KIF26B: variants seen among roughly 807,000 people sequenced by gnomAD.
KIF26B encodes kinesin family member 26B, also known as kinesin-like protein KIF26B.
Under a neutral mutation model 151.2 loss-of-function variants are expected in KIF26B, and 63 were observed. That is an observed-to-expected ratio of 0.42 (90% CI 0.34 to 0.51). The LOEUF (loss-of-function observed/expected upper bound fraction) is 0.51, where lower values mean the gene tolerates loss of function less well. KIF26B is among the 20% of genes least tolerant of loss of function. The pLI is 0.07. For synonymous variants in KIF26B, 1,357 were observed against 1,262.1 expected, an observed-to-expected ratio of 1.08 and a Z score of -1.59; for missense variants, 2,813 against 2,913.6, an observed-to-expected ratio of 0.97 and a Z score of 0.79.
At chr1:245,442,753 A>G (rs1659139851) in intron 4 of KIF26B, among the ~76,000 whole-genome samples, 1 of 139,084 alleles carries the variant, frequency 7.2e-6, no homozygotes, top group Non-Finnish European at 1.6e-5. Flanking sequence ...CTCACTGTTC[A>G]CCTACAGCGG....
Position 245,687,778 on chromosome 1 carries a change from C to T in KIF26B, c.4795C>T (p.Pro1599Ser), listed in dbSNP as rs372309449. 6.3e-7 allele frequency: 1 copy of T among 1,584,212 alleles called. No individual in the cohort carries two copies. Among genetic ancestry groups the T allele is most frequent in the Non-Finnish European group, 8.6e-7 (1 of 1,165,896 alleles). Reference sequence around the variant, plus strand: ...TCGGCCCAAAGGGACTCCCCCTCTGCCCCCTGTCCGAAAGTCCAGCCTGGA... The same window carrying T: ...TCGGCCCAAAGGGACTCCCCCTCTGTCCCCTGTCCGAAAGTCCAGCCTGGA... ...LARPKGTPPL[P>S]PVRKSSLDQK... The change falls in exon 12 of 15, where the codon CCC becomes TCC. Residue 1599 changes from proline (P) to serine (S), a missense_variant. This residue lies in a region of KIF26B where 2,060 missense variants were observed against 2,088.6 expected (regional missense o/e 0.99). Transcript: ENST00000407071. The surrounding 1 kb of genome is among the most constrained non-coding windows in gnomAD (Gnocchi z 4.9).
Position 245,166,046 on chromosome 1 carries a change from C to T in KIF26B, c.465+9363C>T, listed in dbSNP as rs896024880. Among the ~76,000 whole-genome samples, 2 of 152,166 alleles carry T rather than the reference C, an allele frequency of 1.3e-5. No homozygotes were observed. The highest frequency in any genetic ancestry group is 4.1e-4 in the South Asian group (2 of 4,822). On this transcript the variant is annotated intron_variant, in intron 2 of 14. Coordinates refer to ENST00000407071, the MANE Select transcript of KIF26B (RefSeq NM_018012.4). This position sits in a 1 kb window ranked among gnomAD's most constrained non-coding sequence, Gnocchi z 4.5. ...ACAGACTTGCGTGCAAAACCAGGCT[C>T]CGTCACTTAGGGTGTGACCTTGGGC... is the stretch of plus-strand genomic sequence containing the variant.
chr1:245,160,821 C>T (rs771349854), intron 2 of KIF26B, among the ~76,000 whole-genome samples: 8 of 152,100 alleles, frequency 5.3e-5, no homozygotes, highest in East Asian at 1.9e-4. Context: ...GGGTTAAAAA[C>T]GCCAAACGTG....
chr1:245,424,051 G>A (rs1488135002), intron 4 of KIF26B, among the ~76,000 whole-genome samples: 4 of 151,896 alleles, frequency 2.6e-5, no homozygotes, highest in South Asian at 4.2e-4. Context: ...TGTTTGTTGC[G>A]CACGCTGGTC....
At chr1:245,394,979 C>T (rs553077212) in intron 3 of KIF26B, among the ~76,000 whole-genome samples, 4 of 152,272 alleles carry the variant, frequency 2.6e-5, no homozygotes, top group East Asian at 3.9e-4. Context: ...AGGACTGAGC[C>T]ATCACGCCCA....
chr1:245,464,991 T>C (rs1659747338), intron 4 of KIF26B, among the ~76,000 whole-genome samples: 1 of 148,632 alleles, frequency 6.7e-6, no homozygotes, highest in South Asian at 2.1e-4. Flanking sequence ...CTTTTTTTTT[T>C]TTTTTGAGAC....
intron 10 of KIF26B, among the ~76,000 whole-genome samples, chr1:245,681,311 G>A (rs963951631): frequency 7.3e-5 from 11 of 151,610 alleles, no homozygotes; most frequent in African/African-American, 2.4e-4. Context: ...CCGGGTTCAC[G>A]CCATTCTCCT....
chr1:245,383,777 C>G (rs1342242528), intron 3 of KIF26B, among the ~76,000 whole-genome samples: 1 of 152,044 alleles, frequency 6.6e-6, no homozygotes, highest in African/African-American at 2.4e-5. Flanking sequence ...CTGGTGCTTT[C>G]TGAACAAAAT....
chr1:245,636,718 G>A (rs2043837694), intron 9 of KIF26B, among the ~76,000 whole-genome samples: 1 of 151,826 alleles, frequency 6.6e-6, no homozygotes, highest in African/African-American at 2.4e-5. Flanking sequence ...ATCCACTGTT[G>A]TAGCTCCCAC....
chr1:245,565,014 G>A (rs2042995681), intron 5 of KIF26B, among the ~76,000 whole-genome samples: 1 of 152,234 alleles, frequency 6.6e-6, no homozygotes, highest in African/African-American at 2.4e-5. Flanking sequence ...AGGGAGCCCT[G>A]CTCTGTTACA....
At chr1:245,510,895 G>A (rs1235386450) in intron 4 of KIF26B, 8 of 585,486 alleles carry the variant, frequency 1.4e-5, no homozygotes, top group Non-Finnish European at 2.4e-5. Context: ...CCAAAGGCTG[G>A]AATCACAAGA....
chr1:245,639,821 G>T (rs2043870057), intron 9 of KIF26B, among the ~76,000 whole-genome samples: 1 of 151,798 alleles, frequency 6.6e-6, no homozygotes, highest in African/African-American at 2.4e-5. Flanking sequence ...GGTTAGAAAA[G>T]ATACTTGATA....
At chr1:245,391,527 C>A (rs999598037) in intron 3 of KIF26B, among the ~76,000 whole-genome samples, 2 of 151,970 alleles carry the variant, frequency 1.3e-5, no homozygotes, top group Non-Finnish European at 2.9e-5. Context: ...GATGGTGGCT[C>A]ACACCTGTAA....
rs993215702 is a variant in KIF26B, at chr1:245,364,135, C to T, written c.466-2699C>T. On this transcript the variant is annotated intron_variant, in intron 2 of 14. Transcript: ENST00000407071. ...TGTTGTTCTCATGCACCCTCAGACC[C>T]CCAGCCTGGGGCAACACTGGGCGTG... is the stretch of plus-strand genomic sequence containing the variant. 2.6e-5 allele frequency among the ~76,000 whole-genome samples: 4 copies of T among 152,172 alleles called. No individual in the cohort carries two copies. The South Asian group carries it at 6.2e-4, about 24-fold the overall frequency.
chr1:245,321,889 C>T (rs1259434062), intron 2 of KIF26B, among the ~76,000 whole-genome samples: 1 of 152,180 alleles, frequency 6.6e-6, no homozygotes, highest in Admixed American at 6.5e-5. Context: ...ACCTTTAACT[C>T]CTGGAGGCTG....
chr1:245,503,757 C>T (rs979785417), intron 4 of KIF26B, among the ~76,000 whole-genome samples: 2 of 152,318 alleles, frequency 1.3e-5, no homozygotes, highest in South Asian at 2.1e-4. Flanking sequence ...GTTTTGCTCT[C>T]GGCGTTGCCG....
At chr1:245,536,721 T>G (rs1217932441) in intron 4 of KIF26B, among the ~76,000 whole-genome samples, 2 of 152,220 alleles carry the variant, frequency 1.3e-5, no homozygotes, top group African/African-American at 4.8e-5. Flanking sequence ...GCAGAAGACT[T>G]GAAGGATGGC....
Position 245,155,370 on chromosome 1 carries a change from C to T in KIF26B, c.-55C>T, listed in dbSNP as rs373174058. On this transcript the variant is annotated 5_prime_UTR_variant, in exon 1 of 15. Coordinates refer to ENST00000407071, the MANE Select transcript of KIF26B (RefSeq NM_018012.4). The stretch of plus-strand genomic sequence containing the variant: ...GGGGGACGCTTCTGGGTTGGAGGAC[C>T]TTCTGGATGTAGCGTCGGTGGAACC... 7.5e-6 allele frequency: 11 copies of T among 1,465,784 alleles called. No individual in the cohort carries two copies. Among genetic ancestry groups the T allele is most frequent in the Non-Finnish European group, 1.0e-5 (11 of 1,061,370 alleles). 90.8% of individuals were successfully genotyped at this position (1,465,784 alleles called of 1,614,324 possible).
At chr1:245,510,227 A>G (rs976671065) in intron 4 of KIF26B, among the ~76,000 whole-genome samples, 1 of 152,212 alleles carries the variant, frequency 6.6e-6, no homozygotes, top group Non-Finnish European at 1.5e-5. Flanking sequence ...TTGCACTTTC[A>G]TTACTGAGAG....
Sources: gnomAD v4.1 joint callset for allele counts (sites outside exome capture counted in the v4.1 genomes callset) on GRCh38, gnomAD v4.1.1 for gene constraint, gnomAD v4.1.1 regional missense constraint, Gnocchi (gnomAD v3.1) non-coding constraint, MANE v1.5 for transcripts, NCBI Gene and HGNC (gene_info 2026-07-23, HGNC 2026-07-21) for gene names.